The following CDK13 variants were observed in gnomAD, a reference collection of about 807,000 sequenced individuals.
The protein encoded by CDK13 is cyclin dependent kinase 13, also known as cyclin-dependent kinase 13.
In CDK13, 40 loss-of-function variants were observed where a neutral mutation model predicts 137.6. The observed-to-expected ratio is 0.29, with a 90% confidence interval of 0.23 to 0.38. CDK13 has a LOEUF of 0.38. Ranked by LOEUF, CDK13 falls within the 10% of genes least tolerant of loss-of-function variation. CDK13 has a pLI of 1.00. For synonymous variants in CDK13, 869 were observed against 760.1 expected, an observed-to-expected ratio of 1.14 and a Z score of -2.36; for missense variants, 1,704 against 1,951.8, an observed-to-expected ratio of 0.87 and a Z score of 2.39.
intron 9 of CDK13, among the ~76,000 whole-genome samples, chr7:40,073,376 A>T (rs931187772): frequency 1.3e-5 from 2 of 152,224 alleles, no homozygotes; most frequent in East Asian, 3.9e-4. Context: ...ATGATGACTG[A>T]CACCTGTAAT....
rs977908667 is a variant in CDK13 at position 39,950,521 on chromosome 7, C to T, written c.-121C>T. On this transcript the variant is annotated 5_prime_UTR_variant, in exon 1 of 14. Coordinates refer to ENST00000181839, the MANE Select transcript of CDK13 (RefSeq NM_003718.5). ...ACCCGGATTATCGTGGCGCTTTTCC[C>T]GGCCGGCTCTGGTGCTCGGTGTCCC... 3.6e-5 allele frequency: 46 copies of T among 1,266,824 alleles called. No homozygotes were observed. The highest frequency in any genetic ancestry group is 4.3e-5 in the Non-Finnish European group (43 of 1,007,066). 78.5% of individuals were successfully genotyped at this position (1,266,824 alleles called of 1,614,324 possible).
intron 9 of CDK13, chr7:40,069,633 T>C (rs1786366074): frequency 5.4e-6 from 1 of 185,638 alleles, no homozygotes; most frequent in Non-Finnish European, 1.2e-5. Flanking sequence ...ATAGTACAGA[T>C]ACATGTAAAA....
chr7:40,082,247 G>A (rs566283030), intron 11 of CDK13, among the ~76,000 whole-genome samples: 4 of 151,868 alleles, frequency 2.6e-5, no homozygotes, highest in South Asian at 4.2e-4. Flanking sequence ...CCAGCACTTT[G>A]GGAGGCCAAG....
At chr7:40,072,410 G>A (rs1786442412) in intron 9 of CDK13, 1 of 152,226 alleles carries the variant, frequency 6.6e-6, no homozygotes, top group Non-Finnish European at 1.5e-5. Context: ...ACAGGCATGA[G>A]CCACTGCACC....
chr7:40,088,630 CAGTG>C (rs947200320), intron 12 of CDK13, among the ~76,000 whole-genome samples: 1 of 152,094 alleles, frequency 6.6e-6, no homozygotes, highest in Non-Finnish European at 1.5e-5. Flanking sequence ...ACACTACTCT[CAGTG>C]AGGCTCAGCA....
At chr7:39,969,002 T>C (rs567364633) in intron 1 of CDK13, among the ~76,000 whole-genome samples, 1 of 152,002 alleles carries the variant, frequency 6.6e-6, no homozygotes, top group African/African-American at 2.4e-5. Context: ...TTCAGGTGGG[T>C]TTTTTTGTTT....
At chr7:40,050,548 T>C (rs35052806) in intron 7 of CDK13, among the ~76,000 whole-genome samples, 40,540 of 152,144 alleles carry the variant, frequency 0.27, 6,530 homozygotes, top group Middle Eastern at 0.45. Context: ...TGCACCACCA[T>C]GCCCAGCTAA....
At chr7:40,089,811 A>G (rs1254784986) in intron 12 of CDK13, among the ~76,000 whole-genome samples, 1 of 151,936 alleles carries the variant, frequency 6.6e-6, no homozygotes, top group Non-Finnish European at 1.5e-5. Context: ...AGAGATGAGT[A>G]TATGTTGATT....
chr7:40,065,085 T>C (rs1254778485), intron 9 of CDK13, among the ~76,000 whole-genome samples: 3 of 151,054 alleles, frequency 2.0e-5, no homozygotes, highest in Non-Finnish European at 4.4e-5. Context: ...TGTCATACCT[T>C]TTTAATTGTG....
intron 5 of CDK13, among the ~76,000 whole-genome samples, chr7:40,028,104 G>A (rs1194650237): frequency 2.0e-5 from 3 of 151,808 alleles, no homozygotes; most frequent in East Asian, 1.9e-4. Flanking sequence ...GTTCAGTATG[G>A]TGTTAGAATG....
chr7:39,990,145 T>C (rs1784428763), intron 2 of CDK13, among the ~76,000 whole-genome samples: 1 of 152,234 alleles, frequency 6.6e-6, no homozygotes, highest in Admixed American at 6.5e-5. Context: ...CAAGAACTCT[T>C]ACGTATACAT....
At chr7:40,061,868 A>G (rs1334072413) in intron 7 of CDK13, 1 of 152,214 alleles carries the variant, frequency 6.6e-6, no homozygotes, top group Admixed American at 6.5e-5. Context: ...TTGACTAAAT[A>G]ATCTTGTCTG....
rs200344494 is a variant in CDK13, at chr7:40,089,741, T to A, written c.3235+1410T>A. Among the ~76,000 whole-genome samples, 163 of 130,838 alleles carry A rather than the reference T, an allele frequency of 1.2e-3. 1 individual carries two copies. The East Asian group carries it at 0.017, about 14-fold the overall frequency. The allele number at this position is 130,838 out of a possible 152,430, so 85.8% of individuals were successfully genotyped here. On this transcript the variant is annotated intron_variant, in intron 12 of 13. Transcript: ENST00000181839. ...GAGAGAGAGTGTGTGTGTGTGTGTG[T>A]GTGTGTGTGTGTGTAGGTGGTGGCT...
chr7:40,007,434 G>C (rs1236473098), intron 5 of CDK13, among the ~76,000 whole-genome samples: 1 of 152,048 alleles, frequency 6.6e-6, no homozygotes, highest in East Asian at 1.9e-4. Context: ...GCTTTGGTTT[G>C]TTTTTGTTTT....
Position 39,987,973 on chromosome 7 carries a change from G to A in CDK13, c.1586G>A (p.Gly529Asp). The change falls in exon 2 of 14, where the codon GGT becomes GAT. Residue 529 changes from glycine (G) to aspartate (D), a missense_variant. Transcript: ENST00000181839. Reference protein sequence around the residue: ...KIEHAPSPSSGGTLKNDKAKT... With the variant: ...KIEHAPSPSSDGTLKNDKAKT... ...GAACATGCACCTTCTCCCTCAAGTG[G>A]TGGAACTTTAAAAAATGACAAAGCA... 2 of 1,614,088 alleles carry A rather than the reference G, an allele frequency of 1.2e-6. No homozygotes were observed. Among genetic ancestry groups the A allele is most frequent in the Non-Finnish European group, 8.5e-7 (1 of 1,180,004 alleles).
chr7:40,010,843 T>G (rs1002114014), intron 5 of CDK13, among the ~76,000 whole-genome samples: 1 of 152,074 alleles, frequency 6.6e-6, no homozygotes, highest in Non-Finnish European at 1.5e-5. Context: ...GCATAAAAGA[T>G]GCAGAAATTG....
Position 40,094,551 on chromosome 7 carries a change from A to T in CDK13, c.4110A>T (p.Gly1370=), listed in dbSNP as rs1787002933. The T allele has an allele frequency of 6.2e-7, 1 of 1,611,490 alleles. No homozygotes were observed. Among genetic ancestry groups the T allele is most frequent in the Non-Finnish European group, 8.5e-7 (1 of 1,178,734 alleles). Residue 1370 remains glycine (G), a synonymous_variant, in exon 14 of 14, where the codon GGA becomes GGT. Transcript: ENST00000181839. Reference sequence around the variant, plus strand: ...CACTAGAACGACGTAGTTTCATTGGAAATTCAGATATTCAGTCTTTGGATA... The same window carrying T: ...CACTAGAACGACGTAGTTTCATTGGTAATTCAGATATTCAGTCTTTGGATA... The part of the protein sequence containing the change: ...APPLERRSFI[G]NSDIQSLDNY...
intron 5 of CDK13, among the ~76,000 whole-genome samples, chr7:40,041,456 A>G (rs1339775509): frequency 6.6e-6 from 1 of 152,196 alleles, no homozygotes; most frequent in East Asian, 1.9e-4. Flanking sequence ...AAAATTCAGT[A>G]TGTGTTTTGC....
At chr7:39,968,660 T>C (rs1208980763) in intron 1 of CDK13, among the ~76,000 whole-genome samples, 1 of 152,256 alleles carries the variant, frequency 6.6e-6, no homozygotes, top group Non-Finnish European at 1.5e-5. Context: ...CTTCAGTTAA[T>C]GTCTCTGTTT....
Sources: allele counts gnomAD v4.1 joint callset (sites outside exome capture counted in the v4.1 genomes callset), GRCh38; gene constraint gnomAD v4.1.1; transcripts MANE v1.5; gene names NCBI Gene and HGNC (gene_info 2026-07-23, HGNC 2026-07-21).